CFAP263: variants seen among roughly 807,000 people sequenced by gnomAD.
The protein encoded by CFAP263 is cilia- and flagella-associated protein 263.
chr16:58,259,885 A>G, the CFAP263 span: 7 of 1,603,086 alleles, frequency 4.4e-6, no homozygotes, highest in Non-Finnish European at 5.1e-6. Context: ...CGTTTGAAAA[A>G]TGTTTCTCTC....
the CFAP263 span, among the ~76,000 whole-genome samples, chr16:58,262,787 A>ATAGATAGATAGATAGATAGATAGATAGG: frequency 0.14 from 21,073 of 150,328 alleles, 1,579 homozygotes; most frequent in African/African-American, 0.17. Flanking sequence ...AGATAGATAG[A>ATAGATAGATAGATAGATAGATAGATAGG]TAGATAGATA....
chr16:58,280,814 CT>C, the CFAP263 span: 4 of 1,480,824 alleles, frequency 2.7e-6, no homozygotes, highest in Non-Finnish European at 3.6e-6. Flanking sequence ...TGTTGTAAAT[CT>C]ATCCTTGTGC....
chr16:58,261,622 G>A, the CFAP263 span, among the ~76,000 whole-genome samples: 8 of 152,228 alleles, frequency 5.3e-5, no homozygotes, highest in Admixed American at 5.2e-4. Context: ...ACCCTCTGGT[G>A]TGGAAAACAG....
At chr16:58,254,262 G>A in the CFAP263 span, 1 of 1,261,374 alleles carries the variant, frequency 7.9e-7, no homozygotes, top group Non-Finnish European at 1.1e-6. Flanking sequence ...GGCTTTGGAA[G>A]AAACACAGGT....
chr16:58,263,751 G>A, the CFAP263 span, among the ~76,000 whole-genome samples: 2 of 152,224 alleles, frequency 1.3e-5, no homozygotes. Context: ...GCCTAGGCAG[G>A]CACATCACCT....
At chr16:58,270,122 ATCTT>A in the CFAP263 span, among the ~76,000 whole-genome samples, 1 of 152,168 alleles carries the variant, frequency 6.6e-6, no homozygotes, top group Non-Finnish European at 1.5e-5. Context: ...CCACTTGTCT[ATCTT>A]TCTTTGAGAA....
chr16:58,278,713 G>T, the CFAP263 span: 10 of 1,384,468 alleles, frequency 7.2e-6, no homozygotes, highest in South Asian at 3.6e-5. Flanking sequence ...GTTCTTTGGG[G>T]TAAGAATACA....
chr16:58,258,550 G>A, the CFAP263 span: 3 of 1,602,534 alleles, frequency 1.9e-6, no homozygotes, highest in Admixed American at 3.5e-5. Flanking sequence ...AGCTTAGAAA[G>A]GGAAAAAACA....
At chr16:58,280,812 A>G in the CFAP263 span, 1 of 1,486,454 alleles carries the variant, frequency 6.7e-7, no homozygotes, top group Non-Finnish European at 9.1e-7. Flanking sequence ...TTTGTTGTAA[A>G]TCTATCCTTG....
At chr16:58,264,442 C>A in the CFAP263 span, among the ~76,000 whole-genome samples, 1 of 152,272 alleles carries the variant, frequency 6.6e-6, no homozygotes, top group East Asian at 1.9e-4. Context: ...AGATCAGCAG[C>A]GCAGGCCACA....
At chr16:58,266,397 ATATATATATTTTTTTT>A in the CFAP263 span, among the ~76,000 whole-genome samples, 103 of 43,360 alleles carry the variant, frequency 2.4e-3, no homozygotes, top group Middle Eastern at 9.4e-3. Flanking sequence ...ATATATATAT[ATATATATATTTTTTTT>A]TTTTTTTTTT....
At chr16:58,254,183 C>G in the CFAP263 span, 4 of 1,613,464 alleles carry the variant, frequency 2.5e-6, no homozygotes, top group Non-Finnish European at 3.4e-6. Flanking sequence ...CCAGCGCAGC[C>G]TGTCCTGCCC....
the CFAP263 span, among the ~76,000 whole-genome samples, chr16:58,263,095 T>C: frequency 1.3e-5 from 2 of 152,166 alleles, no homozygotes; most frequent in East Asian, 3.9e-4. Context: ...TATTAATAAT[T>C]AAGCAGAGAC....
chr16:58,278,880 G>C, the CFAP263 span, among the ~76,000 whole-genome samples: 1 of 152,128 alleles, frequency 6.6e-6, no homozygotes, highest in Non-Finnish European at 1.5e-5. Context: ...TAGTAATAGT[G>C]TGTTTTTAGT....
chr16:58,261,322 C>A, the CFAP263 span, among the ~76,000 whole-genome samples: 3 of 152,232 alleles, frequency 2.0e-5, no homozygotes, highest in South Asian at 6.2e-4. Context: ...CGTGAGTGGT[C>A]CCAGTGGAAC....
At chr16:58,255,153 C>G in the CFAP263 span, among the ~76,000 whole-genome samples, 4 of 152,178 alleles carry the variant, frequency 2.6e-5, no homozygotes, top group Non-Finnish European at 4.4e-5. Flanking sequence ...AATGGTGCAG[C>G]CTTCGGTCCG....
the CFAP263 span, chr16:58,250,164 C>G: frequency 8.2e-7 from 1 of 1,212,488 alleles, no homozygotes; most frequent in East Asian, 2.6e-5. Flanking sequence ...CTAGGCCCTC[C>G]TCTCCGGGCG....
the CFAP263 span, among the ~76,000 whole-genome samples, chr16:58,265,354 GAA>G: frequency 6.6e-6 from 1 of 152,206 alleles, no homozygotes; most frequent in Admixed American, 6.5e-5. Flanking sequence ...TCTGGAAGAG[GAA>G]GTCATAGATG....
chr16:58,255,417 A>C, the CFAP263 span, among the ~76,000 whole-genome samples: 2 of 152,106 alleles, frequency 1.3e-5, no homozygotes, highest in Non-Finnish European at 2.9e-5. Context: ...CACTGACTCA[A>C]ATATCATTCT....
Sources: allele counts gnomAD v4.1 joint callset (sites outside exome capture counted in the v4.1 genomes callset), GRCh38; gene constraint gnomAD v4.1.1; transcripts MANE v1.5; gene names NCBI Gene and HGNC (gene_info 2026-07-23, HGNC 2026-07-21).